Variants in ELAPOR1 observed in about 807,000 individuals in gnomAD.
The protein encoded by ELAPOR1 is endosome-lysosome associated apoptosis and autophagy regulator 1.
In ELAPOR1, 77 loss-of-function variants were observed where a neutral mutation model predicts 119.7. That is an observed-to-expected ratio of 0.64 (90% CI 0.54 to 0.78). ELAPOR1 has a LOEUF of 0.78. ELAPOR1 is among the 30% of genes least tolerant of loss of function. The probability of loss-of-function intolerance (pLI) is 0.00; values close to 1 mark genes in which losing one functional copy is unlikely to be tolerated. For missense variants in ELAPOR1, 1,115 were observed against 1,270.4 expected, an observed-to-expected ratio of 0.88 and a Z score of 1.86; for synonymous variants, 481 against 487.2, an observed-to-expected ratio of 0.99 and a Z score of 0.17.
At chr1:109,147,569 T>C (rs1037102868) in intron 1 of ELAPOR1, among the ~76,000 whole-genome samples, 6 of 152,102 alleles carry the variant, frequency 3.9e-5, no homozygotes, top group Non-Finnish European at 7.4e-5. Flanking sequence ...ACTTATAGAA[T>C]GTGCAACACC....
intron 1 of ELAPOR1, among the ~76,000 whole-genome samples, chr1:109,119,578 A>G (rs756285666): frequency 4.0e-5 from 6 of 151,300 alleles, no homozygotes; most frequent in Non-Finnish European, 5.9e-5. Flanking sequence ...TGCATTGTAT[A>G]TAGAGTTATA....
At position 109,156,733 on chromosome 1, in the gene ELAPOR1, C is replaced by G. The variant is rs148390388; in HGVS notation, c.154-5161C>G. 8.4e-3 allele frequency among the ~76,000 whole-genome samples: 1,266 copies of G among 150,480 alleles called. 17 individuals are homozygous for G. The highest frequency in any genetic ancestry group is 0.03 in the African/African-American group (1,188 of 39,828). On this transcript the variant is annotated intron_variant, in intron 1 of 21. Transcript: ENST00000369939. Reference sequence around the variant, plus strand: ...GCTGCCCCACTTTCCTGCCCCATCCCTCCCTCAGTTCCCACCCACTTGAGG... The same window carrying G: ...GCTGCCCCACTTTCCTGCCCCATCCGTCCCTCAGTTCCCACCCACTTGAGG...
chr1:109,130,448 G>A (rs1649080463), intron 1 of ELAPOR1, among the ~76,000 whole-genome samples: 1 of 151,706 alleles, frequency 6.6e-6, no homozygotes, highest in Non-Finnish European at 1.5e-5. Flanking sequence ...AAAATATATA[G>A]AGTCTCTCAG....
At chr1:109,191,912 A>C (rs2101114971) in intron 13 of ELAPOR1, 49 bp downstream of exon 13, 1 of 1,604,262 alleles carries the variant, frequency 6.2e-7, no homozygotes, top group Non-Finnish European at 8.5e-7. Context: ...CTCTGAACCC[A>C]GGAGGACTCC....
rs182902003 is a variant in ELAPOR1 at position 109,158,956 on chromosome 1, G to C, written c.154-2938G>C. On this transcript the variant is annotated intron_variant, in intron 1 of 21. Coordinates refer to ENST00000369939, the MANE Select transcript of ELAPOR1 (RefSeq NM_020775.5). ...TGCCCAGGCTGGAGTAAAGTGGCGTGATCTTGGCTCACAGCAACCTCTGCC... is the reference window on the plus strand; with the variant it reads ...TGCCCAGGCTGGAGTAAAGTGGCGTCATCTTGGCTCACAGCAACCTCTGCC... 2.7e-4 allele frequency among the ~76,000 whole-genome samples: 40 copies of C among 149,148 alleles called. 1 individual carries two copies. Among genetic ancestry groups the C allele is most frequent in the Admixed American group, 8.7e-4 (13 of 14,904 alleles).
chr1:109,130,699 A>G (rs1003587146), intron 1 of ELAPOR1, among the ~76,000 whole-genome samples: 1 of 152,138 alleles, frequency 6.6e-6, no homozygotes, highest in Non-Finnish European at 1.5e-5. Flanking sequence ...TCAGCTACTC[A>G]TGAGACAGAA....
At chr1:109,174,957 C>T (rs981134026) in intron 7 of ELAPOR1, among the ~76,000 whole-genome samples, 18 of 152,170 alleles carry the variant, frequency 1.2e-4, no homozygotes, top group Non-Finnish European at 2.2e-4. Context: ...CCTCGTGATC[C>T]GCCCGCCTCA....
chr1:109,188,410 G>T, intron 9 of ELAPOR1, 56 bp downstream of exon 9: 3 of 1,552,918 alleles, frequency 1.9e-6, no homozygotes, highest in Non-Finnish European at 2.6e-6. Flanking sequence ...GGTGGGCTGT[G>T]TGGGCACTAA....
At chr1:109,197,810 T>C (rs1653921760) in intron 16 of ELAPOR1, among the ~76,000 whole-genome samples, 156 bp downstream of exon 16, 1 of 152,228 alleles carries the variant, frequency 6.6e-6, no homozygotes. Flanking sequence ...CCACTCTGTG[T>C]GCAAAGTGCT....
At position 109,200,070 on chromosome 1, in the gene ELAPOR1, C is replaced by T. The variant is rs1240634802; in HGVS notation, c.2640C>T (p.Tyr880=). 6.8e-6 allele frequency: 11 copies of T among 1,614,132 alleles called. No homozygotes were observed. The highest frequency in any genetic ancestry group is 1.7e-5 in the Admixed American group (1 of 60,018). Residue 880 remains tyrosine, a synonymous_variant, in exon 20 of 22, where the codon TAC becomes TAT. Transcript: ENST00000369939. The part of the protein sequence containing the change: ...SCVAGIQKTT[Y]VWREPKLCSG... ...TTTCTCCCCAACAGAAGACTACTTACGTGTGGCGAGAACCCAAGCTATGCT... is the reference window on the plus strand; with the variant it reads ...TTTCTCCCCAACAGAAGACTACTTATGTGTGGCGAGAACCCAAGCTATGCT...
intron 7 of ELAPOR1, among the ~76,000 whole-genome samples, chr1:109,177,618 G>A (rs1306451361): frequency 6.6e-6 from 1 of 151,682 alleles, no homozygotes; most frequent in Middle Eastern, 3.2e-3. Context: ...GTAGCGAGCC[G>A]AGATCACGCC....
intron 8 of ELAPOR1, 31 bp downstream of exon 8, chr1:109,185,164 C>T (rs745893767): frequency 1.3e-6 from 2 of 1,516,668 alleles, no homozygotes. Context: ...GCCCCTTAGC[C>T]CCAGATGGAC....
chr1:109,175,977 C>G (rs1652260442), intron 7 of ELAPOR1, among the ~76,000 whole-genome samples: 1 of 151,638 alleles, frequency 6.6e-6, no homozygotes, highest in African/African-American at 2.4e-5. Context: ...ATTTTGATAA[C>G]AAGGTCTAAA....
At chr1:109,181,864 G>A (rs1652717310) in intron 7 of ELAPOR1, among the ~76,000 whole-genome samples, 1 of 152,156 alleles carries the variant, frequency 6.6e-6, no homozygotes, top group African/African-American at 2.4e-5. Flanking sequence ...ATGTGCAGTT[G>A]AGAGAACTTT....
At chr1:109,182,930 G>C (rs1652787874) in intron 7 of ELAPOR1, among the ~76,000 whole-genome samples, 1 of 151,216 alleles carries the variant, frequency 6.6e-6, no homozygotes, top group African/African-American at 2.4e-5. Context: ...AATATAAAGA[G>C]AGAGAAGTTC....
intron 3 of ELAPOR1, among the ~76,000 whole-genome samples, chr1:109,168,688 A>T (rs1651744026): frequency 6.6e-6 from 1 of 152,190 alleles, no homozygotes; most frequent in Non-Finnish European, 1.5e-5. Context: ...TGAGAGAGAA[A>T]TGTAAACATT....
chr1:109,177,229 G>A (rs1395927534), intron 7 of ELAPOR1, among the ~76,000 whole-genome samples: 7 of 141,460 alleles, frequency 4.9e-5, no homozygotes, highest in South Asian at 2.2e-4. Flanking sequence ...CTGGCCGGGC[G>A]GGGGGCTGAC....
chr1:109,185,191 A>C lies in ELAPOR1; in HGVS notation c.1041+58A>C, dbSNP rs1652972028. On this transcript the variant is annotated intron_variant, in intron 8 of 21. Coordinates refer to ENST00000369939, the MANE Select transcript of ELAPOR1 (RefSeq NM_020775.5). ...CAGATGGACTGTCTCCCACTCCCTG[A>C]GGTTTGCCACCATTTGGAACTTCAG... The C allele has an allele frequency of 2.2e-6, 3 of 1,337,002 alleles. No homozygotes were observed. In the South Asian group the frequency reaches 3.5e-5, roughly 16 times the overall value. The allele number at this position is 1,337,002 out of a possible 1,614,324, so 82.8% of individuals were successfully genotyped here. A position where few individuals can be genotyped will look rare whatever the true frequency, so the allele number is the denominator to read the frequency against.
At chr1:109,188,156 G>T in intron 8 of ELAPOR1, 21 bp from the exon 9 acceptor site, 5 of 1,586,628 alleles carry the variant, frequency 3.2e-6, no homozygotes, top group Non-Finnish European at 4.3e-6. Flanking sequence ...AGGCTGAGTT[G>T]TGCTTAATCC....
Sources: allele counts gnomAD v4.1 joint callset (sites outside exome capture counted in the v4.1 genomes callset), GRCh38; gene constraint gnomAD v4.1.1; transcripts MANE v1.5; gene names NCBI Gene and HGNC (gene_info 2026-07-23, HGNC 2026-07-21).